The following PPM1G variants were observed in gnomAD, a reference collection of about 807,000 sequenced individuals.
PPM1G encodes protein phosphatase 1G.
PPM1G carries 12 observed loss-of-function variants against 59.4 expected under a neutral mutation model. The ratio of observed to expected loss-of-function variants is 0.20; its 90% CI spans 0.13 to 0.33. PPM1G has a LOEUF of 0.33. Among genes scored for constraint, PPM1G ranks in the 10% least tolerant of loss-of-function variants. PPM1G has a pLI of 1.00. For synonymous variants in PPM1G, 245 were observed against 251.9 expected, an observed-to-expected ratio of 0.97 and a Z score of 0.26; for missense variants, 392 against 681.3, an observed-to-expected ratio of 0.58 and a Z score of 4.73.
At position 27,385,900 on chromosome 2, in the gene PPM1G, C is replaced by A; in HGVS notation, c.277-21G>T. 1 of 1,606,056 alleles carries A rather than the reference C, an allele frequency of 6.2e-7. No homozygotes were observed. The highest frequency in any genetic ancestry group is 8.5e-7 in the Non-Finnish European group (1 of 1,177,872). On this transcript the variant is annotated intron_variant, in intron 3 of 9. Transcript: ENST00000344034. The surrounding 1 kb of genome is among the most constrained non-coding windows in gnomAD (Gnocchi z 4.1). Reference sequence around the variant, plus strand: ...AAAGCCTGAATATAAGCAAAATAGTCTAAGACTAGTACAAAATGAACTCCC... The same window carrying A: ...AAAGCCTGAATATAAGCAAAATAGTATAAGACTAGTACAAAATGAACTCCC...
intron 1 of PPM1G, among the ~76,000 whole-genome samples, chr2:27,406,564 G>T (rs1159135100): frequency 1.3e-5 from 2 of 152,140 alleles, no homozygotes; most frequent in East Asian, 3.8e-4. Context: ...GGAAGATTAG[G>T]ATGTAAGGAA....
rs567510699 is a variant in PPM1G, at chr2:27,396,784, C to T, written c.121-9626G>A. ...GAGCCAAGACTGCAATCATTGCACTCCAGCATAGGTGACAGAGCAAGACTC... is the reference window on the plus strand; with the variant it reads ...GAGCCAAGACTGCAATCATTGCACTTCAGCATAGGTGACAGAGCAAGACTC... On this transcript the variant is annotated intron_variant, in intron 1 of 9. Coordinates refer to ENST00000344034, the MANE Select transcript of PPM1G (RefSeq NM_177983.3). Among the ~76,000 whole-genome samples, 12 of 136,296 alleles carry T rather than the reference C, an allele frequency of 8.8e-5. No individual in the cohort carries two copies. The East Asian group carries it at 2.0e-3, about 23-fold the overall frequency. 89.4% of individuals were successfully genotyped at this position (136,296 alleles called of 152,430 possible).
chr2:27,382,452 T>G lies in PPM1G; in HGVS notation c.1331+24A>C. 6.2e-7 allele frequency: 1 copy of G among 1,613,346 alleles called. No individual in the cohort carries two copies. Among genetic ancestry groups the G allele is most frequent in the East Asian group, 2.2e-5 (1 of 44,874 alleles). On this transcript the variant is annotated intron_variant, in intron 8 of 9. Coordinates refer to ENST00000344034, the MANE Select transcript of PPM1G (RefSeq NM_177983.3). This position sits in a 1 kb window ranked among gnomAD's most constrained non-coding sequence, Gnocchi z 4.2. ...GAAGACATGCTGCAGAAAGGGGAAT[T>G]TAGGGCATTCTGCCAGTGCTCACCA...
chr2:27,385,329 G>A lies in PPM1G; in HGVS notation c.410-241C>T. Reference sequence around the variant, plus strand: ...ACACTAGTTACTATACTTCCCCTCTGACGTCTCATTTTTTATTGTTAAGTT... The same window carrying A: ...ACACTAGTTACTATACTTCCCCTCTAACGTCTCATTTTTTATTGTTAAGTT... On this transcript the variant is annotated intron_variant, in intron 4 of 9. Transcript: ENST00000344034. This position sits in a 1 kb window ranked among gnomAD's most constrained non-coding sequence, Gnocchi z 4.1. The A allele has an allele frequency of 4.2e-6, 2 of 475,720 alleles. No homozygotes were observed. The highest frequency in any genetic ancestry group is 7.3e-6 in the Non-Finnish European group (2 of 273,776). 29.5% of individuals were successfully genotyped at this position (475,720 alleles called of 1,614,324 possible). A position where few individuals can be genotyped will look rare whatever the true frequency, so the allele number is the denominator to read the frequency against.
chr2:27,397,904 A>G (rs1684089007), intron 1 of PPM1G, among the ~76,000 whole-genome samples: 1 of 152,084 alleles, frequency 6.6e-6, no homozygotes, highest in Non-Finnish European at 1.5e-5. Flanking sequence ...CAACCTAGGA[A>G]TAAAAGGGAA....
chr2:27,382,246 A>G lies in PPM1G; in HGVS notation c.1332-18T>C. 5 of 1,610,990 alleles carry G rather than the reference A, an allele frequency of 3.1e-6. No individual in the cohort carries two copies. The highest frequency in any genetic ancestry group is 4.2e-6 in the Non-Finnish European group (5 of 1,177,094). On this transcript the variant is annotated intron_variant, in intron 8 of 9. Transcript: ENST00000344034. The surrounding 1 kb of genome is among the most constrained non-coding windows in gnomAD (Gnocchi z 4.2). ...TCACATTCCTGGGGTCAAGAACAAC[A>G]GTCAGAATCTTCCAGTCTCACTAAG... is the stretch of plus-strand genomic sequence containing the variant.
intron 3 of PPM1G, 67 bp downstream of exon 3, chr2:27,386,127 G>A (rs1683758328): frequency 6.2e-6 from 9 of 1,450,062 alleles, no homozygotes; most frequent in Admixed American, 3.5e-5. Context: ...GAAAGGAAAA[G>A]CCCAAGGGCT....
intron 1 of PPM1G, among the ~76,000 whole-genome samples, chr2:27,390,492 A>C (rs1683872756): frequency 6.6e-6 from 1 of 152,156 alleles, no homozygotes; most frequent in South Asian, 2.1e-4. Context: ...TGGGAGGTCA[A>C]GGCAGGAGGA....
In PPM1G at chr2:27,385,453, CCA is replaced by C. The variant is rs2148418698; in HGVS notation, c.409+292_409+293del. The stretch of plus-strand genomic sequence containing the variant: ...TTGGCTATTGGGGCTAATAACTGCT[CCA>C]GTCTTGAGGGGAAAAAAAAGCACAT... On this transcript the variant is annotated intron_variant, in intron 4 of 9. Coordinates refer to ENST00000344034, the MANE Select transcript of PPM1G (RefSeq NM_177983.3). This position sits in a 1 kb window ranked among gnomAD's most constrained non-coding sequence, Gnocchi z 4.1. The C allele has an allele frequency of 7.0e-6, 3 of 429,556 alleles. No individual in the cohort carries two copies. Among genetic ancestry groups the C allele is most frequent in the East Asian group, 8.0e-5 (2 of 24,998 alleles). 26.6% of individuals were successfully genotyped at this position (429,556 alleles called of 1,614,324 possible).
At chr2:27,386,687 T>G (rs144566101) in intron 2 of PPM1G, 4,590 of 183,638 alleles carry the variant, frequency 0.025, 221 homozygotes, top group African/African-American at 0.1. Context: ...TCCGAGCAGC[T>G]GGGACCACAG....
rs762491383 is a variant in PPM1G, at chr2:27,382,381, G to T, written c.1331+95C>A. 22 of 1,580,804 alleles carry T rather than the reference G, an allele frequency of 1.4e-5. No individual in the cohort carries two copies. The highest frequency in any genetic ancestry group is 1.8e-5 in the Non-Finnish European group (21 of 1,161,056). ...TGCTCTTCACCCACCAAGAGGCCTA[G>T]GTCTGCCTAGGCTCTAATCCTAGAG... On this transcript the variant is annotated intron_variant, in intron 8 of 9. Transcript: ENST00000344034. This position sits in a 1 kb window ranked among gnomAD's most constrained non-coding sequence, Gnocchi z 4.2.
chr2:27,382,624 T>C lies in PPM1G; in HGVS notation c.1202-19A>G. 1 of 1,613,990 alleles carries C rather than the reference T, an allele frequency of 6.2e-7. No homozygotes were observed. Among genetic ancestry groups the C allele is most frequent in the Non-Finnish European group, 8.5e-7 (1 of 1,179,910 alleles). ...TGGTCCCCTGGAGTAAAGGAATGGT[T>C]GATGAGCAGTTTGGATACTTCCCAC... is the stretch of plus-strand genomic sequence containing the variant. On this transcript the variant is annotated intron_variant, in intron 7 of 9. Transcript: ENST00000344034. This position sits in a 1 kb window ranked among gnomAD's most constrained non-coding sequence, Gnocchi z 4.2.
Position 27,384,566 on chromosome 2 carries a change from G to C in PPM1G, c.825+107C>G, listed in dbSNP as rs528471055. On this transcript the variant is annotated intron_variant, in intron 5 of 9. Coordinates refer to ENST00000344034, the MANE Select transcript of PPM1G (RefSeq NM_177983.3). This position sits in a 1 kb window ranked among gnomAD's most constrained non-coding sequence, Gnocchi z 4.8. ...AAGCTTAGAATACAGTGGGTCTTGG[G>C]GGATGATGTCAAAATAGGAGAAGGA... 2 of 1,322,194 alleles carry C rather than the reference G, an allele frequency of 1.5e-6. No homozygotes were observed. The highest frequency in any genetic ancestry group is 2.1e-6 in the Non-Finnish European group (2 of 966,194). The allele number at this position is 1,322,194 out of a possible 1,614,324, so 81.9% of individuals were successfully genotyped here. A position where few individuals can be genotyped will look rare whatever the true frequency, so the allele number is the denominator to read the frequency against.
At chr2:27,392,737 G>T in intron 1 of PPM1G, 1 of 1,126,038 alleles carries the variant, frequency 8.9e-7, no homozygotes, top group Non-Finnish European at 1.3e-6. Context: ...CGCTGCCTTG[G>T]TGACAAGGTA....
At chr2:27,392,830 T>C in intron 1 of PPM1G, 2 of 1,486,302 alleles carry the variant, frequency 1.3e-6, no homozygotes, top group South Asian at 1.1e-5. Context: ...GTCAAAGAGG[T>C]ATTCTGCCAC....
At chr2:27,387,661 C>T (rs779153870) in intron 1 of PPM1G, among the ~76,000 whole-genome samples, 33 of 152,190 alleles carry the variant, frequency 2.2e-4, no homozygotes, top group African/African-American at 7.2e-4. Context: ...CCACCATGCC[C>T]GGCTAACTTT....
chr2:27,393,262 G>GGCTTAGGCTTAGGCTTAGA (rs1683961963), intron 1 of PPM1G: 1 of 1,589,390 alleles, frequency 6.3e-7, no homozygotes, highest in African/African-American at 1.3e-5. Flanking sequence ...GCCACGCACA[G>GGCTTAGGCTTAGGCTTAGA]GTAAATGGAG....
chr2:27,392,619 G>T (rs1386122988), intron 1 of PPM1G, among the ~76,000 whole-genome samples: 2 of 149,542 alleles, frequency 1.3e-5, no homozygotes, highest in African/African-American at 2.5e-5. Flanking sequence ...TTTGGGGGGG[G>T]GGAGGGTACC....
chr2:27,395,105 C>A (rs1043885241), intron 1 of PPM1G, among the ~76,000 whole-genome samples: 5 of 146,986 alleles, frequency 3.4e-5, no homozygotes, highest in African/African-American at 1.3e-4. Context: ...GTGGTGCATG[C>A]CTGTAATCCC....
Sources: allele counts gnomAD v4.1 joint callset (sites outside exome capture counted in the v4.1 genomes callset), GRCh38; gene constraint gnomAD v4.1.1; non-coding constraint Gnocchi (gnomAD v3.1); transcripts MANE v1.5; gene names NCBI Gene and HGNC (gene_info 2026-07-23, HGNC 2026-07-21).